Variants in VCPKMT observed in about 807,000 individuals in gnomAD.
VCPKMT encodes protein N-lysine methyltransferase METTL21D.
VCPKMT carries 32 observed loss-of-function variants against 28.6 expected under a neutral mutation model. The ratio of observed to expected loss-of-function variants is 1.12; its 90% CI spans 0.84 to 1.50. The LOEUF (loss-of-function observed/expected upper bound fraction) is 1.50. Among genes scored for constraint, VCPKMT ranks in the 40% most tolerant of loss-of-function variants. The pLI is 0.00. For synonymous variants in VCPKMT, 138 were observed against 111.4 expected (o/e 1.24, Z -1.50); for missense variants, 366 against 285.0 (o/e 1.28, Z -2.05).
chr14:50,104,778 AG>A (rs1882267137), downstream of VCPKMT, among the ~76,000 whole-genome samples: 2 of 152,154 alleles, frequency 1.3e-5, no homozygotes, highest in South Asian at 4.1e-4. Flanking sequence ...ATTATGTGAA[AG>A]GTACTTTCAA....
chr14:50,116,316 C>T lies in VCPKMT; in HGVS notation c.237G>A (p.Gly79=), dbSNP rs761735490. The T allele has an allele frequency of 6.2e-7, 1 of 1,608,824 alleles. No homozygotes were observed. Among genetic ancestry groups the T allele is most frequent in the Admixed American group, 1.7e-5 (1 of 59,174 alleles). The change falls in exon 1 of 6, where the codon GGG becomes GGA. Residue 79 remains glycine (G), a synonymous_variant. Coordinates refer to ENST00000395860, the MANE Select transcript of VCPKMT (RefSeq NM_024558.3). The part of the protein sequence containing the change: ...RSVLELGSGT[G]AVGLMAATLG... ...GGGTAGCAGCCATGAGCCCCACGGC[C>T]CCGGTGCCCGAACCCAGCTCCAGCA...
chr14:50,109,308 A>T lies in VCPKMT; in HGVS notation c.*391T>A, dbSNP rs965259489. On this transcript the variant is annotated 3_prime_UTR_variant, in exon 6 of 6. Coordinates refer to ENST00000395860, the MANE Select transcript of VCPKMT (RefSeq NM_024558.3). Reference sequence around the variant, plus strand: ...TTTACTAGTTTGAATTTAAAACATTATTATATAATAGCAGATAGTTCTCTT... The same window carrying T: ...TTTACTAGTTTGAATTTAAAACATTTTTATATAATAGCAGATAGTTCTCTT... 64 of 997,966 alleles carry T rather than the reference A, an allele frequency of 6.4e-5. No individual in the cohort carries two copies. The highest frequency in any genetic ancestry group is 5.0e-5 in the Non-Finnish European group (42 of 838,236). 61.8% of individuals were successfully genotyped at this position (997,966 alleles called of 1,614,324 possible).
chr14:50,116,572 C>T lies in VCPKMT; in HGVS notation c.-20G>A, dbSNP rs907070106. ...CGCCATTGCGCCCGGCAACAGAAAGCGGCGCGCGCAGGGACGTCACATCAA... is the reference window on the plus strand; with the variant it reads ...CGCCATTGCGCCCGGCAACAGAAAGTGGCGCGCGCAGGGACGTCACATCAA... On this transcript the variant is annotated 5_prime_UTR_variant, in exon 1 of 6. Transcript: ENST00000395860. The T allele has an allele frequency of 2.5e-6, 4 of 1,589,914 alleles. No homozygotes were observed. Among genetic ancestry groups the T allele is most frequent in the Non-Finnish European group, 3.4e-6 (4 of 1,167,222 alleles).
chr14:50,106,856 C>A (rs1955927), downstream of VCPKMT, among the ~76,000 whole-genome samples: 29,209 of 152,078 alleles, frequency 0.19, 2,973 homozygotes, highest in East Asian at 0.44. Flanking sequence ...ATGGATGGGA[C>A]TACAGGTGTA....
chr14:50,106,486 ATGT>A (rs1882324271), downstream of VCPKMT: 1 of 930,756 alleles, frequency 1.1e-6, no homozygotes, highest in South Asian at 4.9e-5. Context: ...CCCCTCCTTC[ATGT>A]TGTTGCAGAA....
chr14:50,114,261 G>A (rs1198017883), intron 4 of VCPKMT, 24 bp downstream of exon 4: 3 of 1,529,448 alleles, frequency 2.0e-6, no homozygotes, highest in Non-Finnish European at 2.6e-6. Context: ...TCACTACAAA[G>A]ATAATAGAGT....
downstream of VCPKMT, chr14:50,106,728 G>GT (rs1480040445): frequency 3.7e-6 from 3 of 804,276 alleles, no homozygotes; most frequent in African/African-American, 1.9e-5. Flanking sequence ...CTGCGGTTTT[G>GT]TTTTTTTGAG....
Position 50,116,564 on chromosome 14 carries a change from A to T in VCPKMT, c.-12T>A, listed in dbSNP as rs553076137. The T allele has an allele frequency of 1.9e-6, 3 of 1,596,102 alleles. No individual in the cohort carries two copies. In the East Asian group the frequency reaches 6.8e-5, roughly 36 times the overall value. ...AGCGTATCCGCCATTGCGCCCGGCA[A>T]CAGAAAGCGGCGCGCGCAGGGACGT... On this transcript the variant is annotated 5_prime_UTR_variant, in exon 1 of 6. The change creates a new upstream start codon in the 5' untranslated region. Coordinates refer to ENST00000395860, the MANE Select transcript of VCPKMT (RefSeq NM_024558.3).
Position 50,116,471 on chromosome 14 carries a change from G to A in VCPKMT, c.82C>T (p.Leu28=), listed in dbSNP as rs1223249877. 5.0e-6 allele frequency: 8 copies of A among 1,614,012 alleles called. No homozygotes were observed. Among genetic ancestry groups the A allele is most frequent in the South Asian group, 3.3e-5 (3 of 91,084 alleles). Residue 28 remains leucine (L), a synonymous_variant, in exon 1 of 6, where the codon CTA becomes TTA. Coordinates refer to ENST00000395860, the MANE Select transcript of VCPKMT (RefSeq NM_024558.3). ...CCGGAGCTATACTGCTGTAGTCGTA[G>A]CACTGTACCATCCCGCTTCTCCAAA... is the stretch of plus-strand genomic sequence containing the variant. ...RVLEKRDGTV[L]RLQQYSSGGV... is the part of the protein sequence containing the mutation.
chr14:50,112,213 T>C (rs947173879), intron 5 of VCPKMT: 5 of 321,866 alleles, frequency 1.6e-5, no homozygotes, highest in Non-Finnish European at 2.2e-5. Flanking sequence ...TATAGAGCTA[T>C]ACAATTTACG....
intron 5 of VCPKMT, among the ~76,000 whole-genome samples, chr14:50,110,201 C>A (rs1003508413): frequency 6.6e-6 from 1 of 152,194 alleles, no homozygotes; most frequent in African/African-American, 2.4e-5. Context: ...GAGCCAAGAT[C>A]ATGCCACTGC....
Position 50,109,659 on chromosome 14 carries a change from A to G in VCPKMT, c.*40T>C. 1.3e-6 allele frequency: 2 copies of G among 1,587,428 alleles called. No homozygotes were observed. The highest frequency in any genetic ancestry group is 1.7e-6 in the Non-Finnish European group (2 of 1,169,148). On this transcript the variant is annotated 3_prime_UTR_variant, in exon 6 of 6. Transcript: ENST00000395860. ...CATGCTCTATTCACATCTTTAGTTT[A>G]CCCAGGTTGTTAGAGCCTTGGGTAA...
chr14:50,116,564 A>G lies in VCPKMT; in HGVS notation c.-12T>C. 1 of 1,596,102 alleles carries G rather than the reference A, an allele frequency of 6.3e-7. No homozygotes were observed. Among genetic ancestry groups the G allele is most frequent in the Middle Eastern group, 1.7e-4 (1 of 6,016 alleles). ...AGCGTATCCGCCATTGCGCCCGGCA[A>G]CAGAAAGCGGCGCGCGCAGGGACGT... On this transcript the variant is annotated 5_prime_UTR_variant, in exon 1 of 6. Transcript: ENST00000395860.
At chr14:50,106,481 CCTT>C (rs137927364), downstream of VCPKMT, 8,185 of 915,748 alleles carry the variant, frequency 8.9e-3, 494 homozygotes, top group African/African-American at 0.13. Flanking sequence ...GTCGTCCCCT[CCTT>C]CATGTTGTTG....
At chr14:50,115,746 A>C in intron 3 of VCPKMT, 93 bp downstream of exon 3, 1 of 1,434,198 alleles carries the variant, frequency 7.0e-7, no homozygotes, top group Non-Finnish European at 9.6e-7. Context: ...TCCCGGATTC[A>C]AAGATGTTAA....
In VCPKMT at chr14:50,109,102, A is replaced by G; in HGVS notation, c.*597T>C. 7 of 973,920 alleles carry G rather than the reference A, an allele frequency of 7.2e-6. No homozygotes were observed. Among genetic ancestry groups the G allele is most frequent in the Non-Finnish European group, 7.3e-6 (6 of 819,368 alleles). 60.3% of individuals were successfully genotyped at this position (973,920 alleles called of 1,614,324 possible). A position where few individuals can be genotyped will look rare whatever the true frequency, so the allele number is the denominator to read the frequency against. The stretch of plus-strand genomic sequence containing the variant: ...TAAATCACATAGATATGTATGGTGG[A>G]GGAAAAGAAAACTTTGGCTAATATA... On this transcript the variant is annotated 3_prime_UTR_variant, in exon 6 of 6. Transcript: ENST00000395860.
At position 50,113,732 on chromosome 14, in the gene VCPKMT, A is replaced by G. The variant is rs1882868530; in HGVS notation, c.570+553T>C. 2.0e-5 allele frequency among the ~76,000 whole-genome samples: 3 copies of G among 149,562 alleles called. No homozygotes were observed. In the South Asian group the frequency reaches 6.3e-4, roughly 31 times the overall value. On this transcript the variant is annotated intron_variant, in intron 4 of 5. Coordinates refer to ENST00000395860, the MANE Select transcript of VCPKMT (RefSeq NM_024558.3). ...AACATGGGAAAACCCCATCTCTACAAAAAAATACAAAAAGTTAGCCGGGTG... is the reference window on the plus strand; with the variant it reads ...AACATGGGAAAACCCCATCTCTACAGAAAAATACAAAAAGTTAGCCGGGTG...
At chr14:50,113,222 T>C (rs1005018957) in intron 4 of VCPKMT, 1 of 152,300 alleles carries the variant, frequency 6.6e-6, no homozygotes. Flanking sequence ...AGCACTTGAC[T>C]GATACATATG....
In VCPKMT at chr14:50,108,943, G is replaced by C. The variant is rs191115168; in HGVS notation, c.*756C>G. On this transcript the variant is annotated 3_prime_UTR_variant, in exon 6 of 6. Coordinates refer to ENST00000395860, the MANE Select transcript of VCPKMT (RefSeq NM_024558.3). ...CATATACATAAAGTGCATGAGCCAC[G>C]TAAGTGCATAAGCCTGAAACTGGTC... The C allele has an allele frequency of 2.0e-6, 2 of 985,292 alleles. No individual in the cohort carries two copies. The highest frequency in any genetic ancestry group is 2.4e-6 in the Non-Finnish European group (2 of 829,916). The allele number at this position is 985,292 out of a possible 1,614,324, so 61.0% of individuals were successfully genotyped here. A position where few individuals can be genotyped will look rare whatever the true frequency, so the allele number is the denominator to read the frequency against.
Sources: allele counts gnomAD v4.1 joint callset (sites outside exome capture counted in the v4.1 genomes callset), GRCh38; gene constraint gnomAD v4.1.1; transcripts MANE v1.5; gene names NCBI Gene and HGNC (gene_info 2026-07-23, HGNC 2026-07-21).